The following TRIP4 variants were observed in gnomAD, a reference collection of about 807,000 sequenced individuals.
The protein encoded by TRIP4 is activating signal cointegrator 1.
A neutral mutation model predicts 81.8 loss-of-function variants in TRIP4; 54 were observed. The ratio of observed to expected loss-of-function variants is 0.66; its 90% CI spans 0.53 to 0.83. The LOEUF (loss-of-function observed/expected upper bound fraction) is 0.83. Ranked by LOEUF, TRIP4 falls within the 40% of genes least tolerant of loss-of-function variation. The pLI, the probability that TRIP4 is intolerant of heterozygous loss-of-function variation, is 0.00. For missense variants in TRIP4, 662 were observed against 683.6 expected, an observed-to-expected ratio of 0.97 and a Z score of 0.35; for synonymous variants, 270 against 242.8, an observed-to-expected ratio of 1.11 and a Z score of -1.04.
chr15:64,431,847 A>ATATATATATTTTTTT, intron 11 of TRIP4, among the ~76,000 whole-genome samples: 3 of 119,552 alleles, frequency 2.5e-5, no homozygotes, highest in South Asian at 2.5e-4. Context: ...ATATATATAT[A>ATATATATATTTTTTT]TTTTTTTTAT....
At chr15:64,417,830 T>C (rs1282785513) in intron 8 of TRIP4, among the ~76,000 whole-genome samples, 1 of 152,218 alleles carries the variant, frequency 6.6e-6, no homozygotes, top group African/African-American at 2.4e-5. Flanking sequence ...ACATGCAGAA[T>C]TGTGGACCAA....
Position 64,394,554 on chromosome 15 carries a change from G to A in TRIP4, c.271+439G>A, listed in dbSNP as rs569627975. ...TGGGAGGTGGAGCTTGCAGTGAGCT[G>A]AGATAGCACCACTGCACTCCAGCCT... is the stretch of plus-strand genomic sequence containing the variant. On this transcript the variant is annotated intron_variant, in intron 2 of 12. Coordinates refer to ENST00000261884, the MANE Select transcript of TRIP4 (RefSeq NM_016213.5). 2.2e-4 allele frequency among the ~76,000 whole-genome samples: 32 copies of A among 146,192 alleles called. No homozygotes were observed. In the East Asian group the frequency reaches 5.9e-3, roughly 27 times the overall value.
At chr15:64,392,458 A>G (rs947847995) in intron 1 of TRIP4, among the ~76,000 whole-genome samples, 1 of 152,118 alleles carries the variant, frequency 6.6e-6, no homozygotes, top group African/African-American at 2.4e-5. Flanking sequence ...TTTCTAATCC[A>G]TAGTAATTAG....
chr15:64,395,306 A>G (rs1429137852), intron 2 of TRIP4, 92 bp from the exon 3 acceptor site: 35 of 1,061,306 alleles, frequency 3.3e-5, no homozygotes, highest in Non-Finnish European at 4.0e-5. Context: ...CTAAATATTA[A>G]GCATCACCTT....
In TRIP4 at chr15:64,409,593, A is replaced by C; in HGVS notation, c.828-20A>C. On this transcript the variant is annotated intron_variant, in intron 6 of 12. Transcript: ENST00000261884. ...TTTGTCAACAGATGACCTAATTACC[A>C]TGTGTTCCCTTTTTCTCAGTATTCG... 1 of 1,610,262 alleles carries C rather than the reference A, an allele frequency of 6.2e-7. No homozygotes were observed. The highest frequency in any genetic ancestry group is 8.5e-7 in the Non-Finnish European group (1 of 1,176,854).
At chr15:64,450,214 C>G (rs1412408806) in intron 12 of TRIP4, among the ~76,000 whole-genome samples, 1 of 151,742 alleles carries the variant, frequency 6.6e-6, no homozygotes, top group African/African-American at 2.4e-5. Flanking sequence ...ACGGTGAAAC[C>G]CCGTCTCTAC....
chr15:64,388,092 T>C (rs1900003277), intron 1 of TRIP4, 128 bp downstream of exon 1: 30 of 1,335,610 alleles, frequency 2.2e-5, no homozygotes, highest in Non-Finnish European at 2.9e-5. Flanking sequence ...CTGTAGTCTG[T>C]AGGCGTCGAA....
chr15:64,408,347 C>G (rs1039052996), intron 6 of TRIP4, among the ~76,000 whole-genome samples: 3 of 150,640 alleles, frequency 2.0e-5, no homozygotes, highest in African/African-American at 7.3e-5. Flanking sequence ...CAAGCTCCGC[C>G]CCCTGGACTC....
intron 11 of TRIP4, among the ~76,000 whole-genome samples, chr15:64,430,641 G>A (rs1225105095): frequency 6.6e-6 from 1 of 152,132 alleles, no homozygotes; most frequent in East Asian, 1.9e-4. Flanking sequence ...TCTGTGTTGT[G>A]TTTGTGCTAT....
intron 8 of TRIP4, among the ~76,000 whole-genome samples, chr15:64,416,231 TA>T (rs895550579): frequency 6.6e-6 from 1 of 150,752 alleles, no homozygotes; most frequent in South Asian, 2.1e-4. Flanking sequence ...ACCCCATCTC[TA>T]AAAAAAAATA....
intron 2 of TRIP4, among the ~76,000 whole-genome samples, chr15:64,394,924 A>G (rs926952061): frequency 6.6e-6 from 1 of 152,150 alleles, no homozygotes; most frequent in Non-Finnish European, 1.5e-5. Context: ...AGCTCACTGC[A>G]GCCTCTGCTT....
At chr15:64,403,133 A>T (rs947612413) in intron 5 of TRIP4, among the ~76,000 whole-genome samples, 2 of 151,316 alleles carry the variant, frequency 1.3e-5, no homozygotes, top group Admixed American at 6.6e-5. Flanking sequence ...AAGTGCTGGG[A>T]TTACAGGCGC....
Position 64,409,707 on chromosome 15 carries a change from AAGCGAGAGGAGG to A in TRIP4, c.926_937del (p.Arg309_Glu312del), listed in dbSNP as rs1478801234. The A allele has an allele frequency of 1.9e-6, 3 of 1,614,164 alleles. No individual in the cohort carries two copies. Among genetic ancestry groups the A allele is most frequent in the Non-Finnish European group, 2.5e-6 (3 of 1,180,034 alleles). On this transcript the variant is annotated inframe_deletion, in exon 7 of 13. Transcript: ENST00000261884. ...CAAACTTGAGCGGGAAACCTTGCAGAAGCGAGAGGAGGAGCTGAGAGAACTTCGACACGCCTC... is the reference window on the plus strand; with the variant it reads ...CAAACTTGAGCGGGAAACCTTGCAGAAGCTGAGAGAACTTCGACACGCCTC...
In TRIP4 at chr15:64,395,547, T is replaced by C. The variant is rs1900267113; in HGVS notation, c.405+16T>C. 2 of 1,595,540 alleles carry C rather than the reference T, an allele frequency of 1.3e-6. No homozygotes were observed. Among genetic ancestry groups the C allele is most frequent in the African/African-American group, 2.7e-5 (2 of 74,328 alleles). ...TTTGGCCAAGGTGAGTGCTTATAGA[T>C]TGAAGCTTTTTCTGACTATTGGAGA... On this transcript the variant is annotated intron_variant, in intron 3 of 12. Coordinates refer to ENST00000261884, the MANE Select transcript of TRIP4 (RefSeq NM_016213.5).
At chr15:64,424,803 G>A (rs949366845) in intron 10 of TRIP4, among the ~76,000 whole-genome samples, 2 of 151,960 alleles carry the variant, frequency 1.3e-5, no homozygotes, top group African/African-American at 4.8e-5. Context: ...TTGAGACAGA[G>A]TCTCGTTCTG....
intron 5 of TRIP4, among the ~76,000 whole-genome samples, chr15:64,401,535 G>A (rs1009921637): frequency 3.9e-5 from 6 of 152,138 alleles, no homozygotes; most frequent in African/African-American, 1.4e-4. Context: ...GCCTCCCAAA[G>A]CACTGGGATT....
intron 6 of TRIP4, among the ~76,000 whole-genome samples, chr15:64,408,415 C>T (rs539202850): frequency 2.8e-3 from 420 of 151,890 alleles, no homozygotes; most frequent in Non-Finnish European, 3.8e-3. Flanking sequence ...CCCGCCACTA[C>T]GCCCAGCTAA....
chr15:64,388,463 C>A (rs1900018474), intron 1 of TRIP4, among the ~76,000 whole-genome samples: 1 of 152,158 alleles, frequency 6.6e-6, no homozygotes. Flanking sequence ...CGCACCACCA[C>A]ACCCGGCTAA....
chr15:64,429,778 C>T (rs1173176341), intron 11 of TRIP4, among the ~76,000 whole-genome samples: 1 of 152,164 alleles, frequency 6.6e-6, no homozygotes, highest in Non-Finnish European at 1.5e-5. Flanking sequence ...CTAACTGTGA[C>T]CTGTGCCTTC....
Sources: gnomAD v4.1 joint callset for allele counts (sites outside exome capture counted in the v4.1 genomes callset) on GRCh38, gnomAD v4.1.1 for gene constraint, MANE v1.5 for transcripts, NCBI Gene and HGNC (gene_info 2026-07-23, HGNC 2026-07-21) for gene names.